GAPVD1: variants seen among roughly 807,000 people sequenced by gnomAD.
The protein encoded by GAPVD1 is GTPase activating protein and VPS9 domains 1, also known as GTPase-activating protein and VPS9 domain-containing protein 1.
Under a neutral mutation model 155.5 loss-of-function variants are expected in GAPVD1, and 35 were observed. The observed-to-expected ratio is 0.23, with a 90% CI of 0.17 to 0.30. The LOEUF (loss-of-function observed/expected upper bound fraction) is 0.30. Among genes scored for constraint, GAPVD1 ranks in the 10% least tolerant of loss-of-function variants. The probability of loss-of-function intolerance (pLI) is 1.00; values close to 1 mark genes in which losing one functional copy is unlikely to be tolerated. For missense variants in GAPVD1, 1,429 were observed against 1,775.7 expected, an observed-to-expected ratio of 0.80 and a Z score of 3.51; for synonymous variants, 636 against 619.7, an observed-to-expected ratio of 1.03 and a Z score of -0.39.
rs371892136 is a variant in GAPVD1 at position 125,360,607 on chromosome 9, A to G, written c.4124A>G (p.Lys1375Arg). 7 of 1,613,936 alleles carry G rather than the reference A, an allele frequency of 4.3e-6. No homozygotes were observed. Among genetic ancestry groups the G allele is most frequent in the African/African-American group, 1.3e-5 (1 of 75,026 alleles). Reference sequence around the variant, plus strand: ...AGTGCTTATAAAACCCCCCGGGACAAAGTGCAGTGCATCCTGAGAATGTGC... The same window carrying G: ...AGTGCTTATAAAACCCCCCGGGACAGAGTGCAGTGCATCCTGAGAATGTGC... ...TISAYKTPRD[K>R]VQCILRMCST... The change falls in exon 27 of 28, where the codon AAA becomes AGA. Residue 1375 changes from lysine to arginine, a missense_variant. By Grantham distance (26) the Lys-to-Arg change is conservative. Around this residue, in one of 4 missense-constraint regions of GAPVD1, gnomAD observed 102 missense variants for 196.5 expected, o/e 0.52. Coordinates refer to ENST00000297933, the MANE Select transcript of GAPVD1 (RefSeq NM_001282680.3).
chr9:125,294,478 C>T (rs866306564), intron 2 of GAPVD1, among the ~76,000 whole-genome samples: 1 of 151,258 alleles, frequency 6.6e-6, no homozygotes, highest in African/African-American at 2.4e-5. Flanking sequence ...TCCTGAGTAG[C>T]TGGGACTACA....
chr9:125,300,918 A>T (rs1466267447), intron 4 of GAPVD1, among the ~76,000 whole-genome samples: 1 of 152,092 alleles, frequency 6.6e-6, no homozygotes, highest in Non-Finnish European at 1.5e-5. Context: ...TAGTTAAAGG[A>T]TGTGATTCTG....
intron 2 of GAPVD1, among the ~76,000 whole-genome samples, chr9:125,285,188 T>C (rs1837446022): frequency 1.3e-5 from 2 of 152,224 alleles, no homozygotes; most frequent in South Asian, 2.1e-4. Context: ...ATAGATAATA[T>C]ATAAACAAGT....
At chr9:125,329,717 GGTT>G (rs1845805618) in intron 12 of GAPVD1, among the ~76,000 whole-genome samples, 1 of 151,462 alleles carries the variant, frequency 6.6e-6, no homozygotes, top group Non-Finnish European at 1.5e-5. Flanking sequence ...ACATTGACCA[GGTT>G]GGAGGGCAAT....
At chr9:125,310,334 A>G (rs1438086917) in intron 8 of GAPVD1, among the ~76,000 whole-genome samples, 1 of 152,162 alleles carries the variant, frequency 6.6e-6, no homozygotes, top group Non-Finnish European at 1.5e-5. Flanking sequence ...TTGTAAAGAA[A>G]GGTGATTGTT....
chr9:125,317,560 G>T (rs1843631405), intron 9 of GAPVD1, among the ~76,000 whole-genome samples: 1 of 151,198 alleles, frequency 6.6e-6, no homozygotes, highest in African/African-American at 2.4e-5. Flanking sequence ...GGGATGTAGA[G>T]GTTATGGTGA....
rs1321768273 is a variant in GAPVD1 at position 125,366,885 on chromosome 9, G to A, written c.*4139G>A. The A allele has an allele frequency of 6.6e-6, 1 of 152,218 alleles. No individual in the cohort carries two copies. The highest frequency in any genetic ancestry group is 2.4e-5 in the African/African-American group (1 of 41,452). The allele number at this position is 152,218 out of a possible 1,614,324, so 9.4% of individuals were successfully genotyped here. A position where few individuals can be genotyped will look rare whatever the true frequency, so the allele number is the denominator to read the frequency against. On this transcript the variant is annotated 3_prime_UTR_variant, in exon 28 of 28. Coordinates refer to ENST00000297933, the MANE Select transcript of GAPVD1 (RefSeq NM_001282680.3). ...TGGAGCTGCCGCATCCCACAGGCCT[G>A]AGCTCAGCAAGGGTTCAATTCAAGA...
At chr9:125,293,859 T>G (rs1266894820) in intron 2 of GAPVD1, among the ~76,000 whole-genome samples, 1 of 8,576 alleles carries the variant, frequency 1.2e-4, no homozygotes, top group Non-Finnish European at 1.7e-4. Context: ...ATTTTATATA[T>G]ATATATATAT....
intron 7 of GAPVD1, 51 bp downstream of exon 7, chr9:125,307,598 G>C (rs10986696): frequency 6.3e-7 from 1 of 1,582,290 alleles, no homozygotes; most frequent in Non-Finnish European, 8.7e-7. Context: ...TTAGCTAAGC[G>C]TGAGCAAAAA....
intron 1 of GAPVD1, among the ~76,000 whole-genome samples, chr9:125,266,061 C>T (rs1382452666): frequency 6.7e-6 from 1 of 150,018 alleles, no homozygotes; most frequent in Admixed American, 6.6e-5. Flanking sequence ...GATAGGCGTA[C>T]TCTATAATTT....
At chr9:125,265,604 G>A (rs557915281) in intron 1 of GAPVD1, among the ~76,000 whole-genome samples, 2 of 148,788 alleles carry the variant, frequency 1.3e-5, no homozygotes, top group South Asian at 2.2e-4. Context: ...GTAGAGACGG[G>A]GTTTCACCAT....
chr9:125,285,442 CTTTTTTCTTTGTT>C (rs962449556), intron 2 of GAPVD1, among the ~76,000 whole-genome samples: 8 of 125,214 alleles, frequency 6.4e-5, no homozygotes, highest in African/African-American at 2.4e-4. Context: ...TAATCTATTT[CTTTTTTCTTTGTT>C]TTTTTTTTTT....
At chr9:125,341,975 G>T (rs531949999) in intron 18 of GAPVD1, 69 of 357,718 alleles carry the variant, frequency 1.9e-4, no homozygotes, top group Middle Eastern at 1.6e-3. Flanking sequence ...CAGTGGTTTT[G>T]ATTTTAGTCC....
chr9:125,308,223 G>A, intron 8 of GAPVD1: 1 of 321,964 alleles, frequency 3.1e-6, no homozygotes. Flanking sequence ...GCACGTGCCT[G>A]TGGTCCCTGC....
chr9:125,296,114 A>T (rs974570979), intron 3 of GAPVD1, among the ~76,000 whole-genome samples: 2 of 152,062 alleles, frequency 1.3e-5, no homozygotes, highest in Non-Finnish European at 2.9e-5. Context: ...ATTTAAAAAA[A>T]TTCTCTTAAT....
rs760914324 is a variant in GAPVD1 at position 125,359,451 on chromosome 9, A to G, written c.4003A>G (p.Lys1335Glu). The change falls in exon 26 of 28, where the codon AAA becomes GAA. Residue 1335 changes from lysine (K) to glutamate (E), a missense_variant. Lys to Glu is a moderately conservative substitution (Grantham distance 56, BLOSUM62 1). Around this residue, in one of 4 missense-constraint regions of GAPVD1, gnomAD observed 102 missense variants for 196.5 expected, o/e 0.52. Transcript: ENST00000297933. ...TCATGAACATATCCAGAGATTGTCT[A>G]AAGTAGTGACTGCAAATCACAGAGC... ...VLHEHIQRLS[K>E]VVTANHRALQ... The G allele has an allele frequency of 1.9e-6, 3 of 1,596,690 alleles. No individual in the cohort carries two copies. The highest frequency in any genetic ancestry group is 2.6e-6 in the Non-Finnish European group (3 of 1,164,598).
chr9:125,310,776 G>A (rs369900560), intron 8 of GAPVD1, among the ~76,000 whole-genome samples: 3 of 151,042 alleles, frequency 2.0e-5, no homozygotes, highest in Admixed American at 6.6e-5. Context: ...GGCCTCAGGA[G>A]ATCCACCCAC....
chr9:125,302,502 T>C lies in GAPVD1; in HGVS notation c.705T>C (p.Phe235=), dbSNP rs1324568043. ...CTCCATCTCAGCAGGAAAAACTCTT[T>C]GGAGAGAAGGGCTCAGATAGATTCA... ...RFSPSQQEKL[F]GEKGSDRFRQ... The change falls in exon 5 of 28, where the codon TTT becomes TTC. Residue 235 remains phenylalanine, a synonymous_variant. Coordinates refer to ENST00000297933, the MANE Select transcript of GAPVD1 (RefSeq NM_001282680.3). 3 of 1,613,886 alleles carry C rather than the reference T, an allele frequency of 1.9e-6. No homozygotes were observed. Among genetic ancestry groups the C allele is most frequent in the South Asian group, 1.1e-5 (1 of 91,084 alleles).
chr9:125,352,889 C>T (rs948413101), intron 23 of GAPVD1, among the ~76,000 whole-genome samples: 2 of 152,016 alleles, frequency 1.3e-5, no homozygotes, highest in South Asian at 2.1e-4. Context: ...GGTGGATCAC[C>T]CGAGGTCAGG....
Sources: allele counts gnomAD v4.1 joint callset (sites outside exome capture counted in the v4.1 genomes callset), GRCh38; gene constraint gnomAD v4.1.1; regional missense constraint gnomAD v4.1.1; transcripts MANE v1.5; gene names NCBI Gene and HGNC (gene_info 2026-07-23, HGNC 2026-07-21).